The following RGS6 variants were observed in gnomAD, a reference collection of about 807,000 sequenced individuals.
RGS6 encodes the protein regulator of G-protein signaling 6.
A neutral mutation model predicts 78.5 loss-of-function variants in RGS6; 30 were observed. The observed-to-expected ratio is 0.38, with a 90% CI of 0.29 to 0.52. The LOEUF is 0.52. Ranked by LOEUF, RGS6 falls within the 20% of genes least tolerant of loss-of-function variation. The pLI is 0.85. For missense variants in RGS6, 495 were observed against 609.7 expected (o/e 0.81, Z 1.98); for synonymous variants, 206 against 206.0 (o/e 1.00, Z 0.00).
chr14:71,874,903 T>C, the RGS6 span, among the ~76,000 whole-genome samples: 3 of 152,254 alleles, frequency 2.0e-5, no homozygotes, highest in Non-Finnish European at 2.9e-5. Flanking sequence ...GAGATAATCA[T>C]GTGGTTTTTG....
At chr14:71,959,716 C>T (rs557899027) in intron 1 of RGS6, among the ~76,000 whole-genome samples, 1 of 152,118 alleles carries the variant, frequency 6.6e-6, no homozygotes, top group Non-Finnish European at 1.5e-5. Flanking sequence ...GTGGGATTCT[C>T]CATTGAATCT....
chr14:72,308,362 C>T (rs574869793), intron 2 of RGS6, among the ~76,000 whole-genome samples: 1 of 152,162 alleles, frequency 6.6e-6, no homozygotes, highest in Non-Finnish European at 1.5e-5. Context: ...CTTCCAAAGC[C>T]CCCTGTGATC....
chr14:72,100,628 C>T lies in RGS6; in HGVS notation c.84+135753C>T, dbSNP rs535162629. Among the ~76,000 whole-genome samples the T allele has an allele frequency of 4.7e-4, 71 of 152,296 alleles. 2 individuals are homozygous for T. Among genetic ancestry groups the T allele is most frequent in the Admixed American group, 1.3e-3 (20 of 15,304 alleles). ...TTCAGTTGAAGATGTCACAAGATTA[C>T]GACAAGGAGCTCCCAGTGTCTTCAC... is the stretch of plus-strand genomic sequence containing the variant. On this transcript the variant is annotated intron_variant, in intron 2 of 17. Transcript: ENST00000553525.
chr14:72,456,892 A>G (rs879472920), intron 4 of RGS6, among the ~76,000 whole-genome samples: 1 of 151,836 alleles, frequency 6.6e-6, no homozygotes, highest in Non-Finnish European at 1.5e-5. Flanking sequence ...AGCCTGAGCA[A>G]GATGGCAAAA....
chr14:72,279,183 C>T (rs76692297), intron 2 of RGS6, among the ~76,000 whole-genome samples: 1 of 151,930 alleles, frequency 6.6e-6, no homozygotes, highest in East Asian at 1.9e-4. Flanking sequence ...AAAGCTGGAA[C>T]CTACAAGCAG....
chr14:72,174,719 G>A (rs2097081435), intron 2 of RGS6, among the ~76,000 whole-genome samples: 2 of 152,124 alleles, frequency 1.3e-5, no homozygotes, highest in South Asian at 4.1e-4. Context: ...CAGATTGGAA[G>A]GGACTTGGTG....
intron 2 of RGS6, among the ~76,000 whole-genome samples, chr14:72,083,395 A>C (rs1567170208): frequency 2.0e-5 from 3 of 152,138 alleles, no homozygotes; most frequent in African/African-American, 4.8e-5. Flanking sequence ...AGTGCATGGG[A>C]TGCTTCCCAC....
At chr14:72,241,386 A>G (rs1362877671) in intron 2 of RGS6, among the ~76,000 whole-genome samples, 2 of 152,194 alleles carry the variant, frequency 1.3e-5, no homozygotes, top group South Asian at 2.1e-4. Flanking sequence ...TCCAGACAAT[A>G]GTTAATAAAT....
intron 3 of RGS6, among the ~76,000 whole-genome samples, chr14:72,395,683 TC>T (rs2091068533): frequency 6.6e-6 from 1 of 151,678 alleles, no homozygotes; most frequent in African/African-American, 2.4e-5. Flanking sequence ...TCCCTCCCCT[TC>T]CCCCCACCCC....
At chr14:72,303,690 C>G (rs1473237934) in intron 2 of RGS6, among the ~76,000 whole-genome samples, 1 of 152,166 alleles carries the variant, frequency 6.6e-6, no homozygotes, top group Non-Finnish European at 1.5e-5. Flanking sequence ...CATCCTCAAT[C>G]AACTAATTTC....
At position 72,156,871 on chromosome 14, in the gene RGS6, C is replaced by T. The variant is rs529253797; in HGVS notation, c.84+191996C>T. Among the ~76,000 whole-genome samples the T allele has an allele frequency of 1.3e-4, 20 of 152,282 alleles. 1 individual carries two copies. Among genetic ancestry groups the T allele is most frequent in the Non-Finnish European group, 2.2e-4 (15 of 68,034 alleles). On this transcript the variant is annotated intron_variant, in intron 2 of 17. Coordinates refer to ENST00000553525, the MANE Select transcript of RGS6 (RefSeq NM_001204424.2). ...AGCCTGCCTTCTGGTTGGCTTCTCC[C>T]GGCTTAAGTCTGGCCCTGCAGGAAA... is the stretch of plus-strand genomic sequence containing the variant.
intron 2 of RGS6, among the ~76,000 whole-genome samples, chr14:72,114,970 TCA>T (rs2153557425): frequency 6.6e-6 from 1 of 152,304 alleles, no homozygotes; most frequent in African/African-American, 2.4e-5. Context: ...GTGGGAAGAA[TCA>T]CAGAGGCACT....
At chr14:72,072,090 G>A (rs2094428141) in intron 2 of RGS6, among the ~76,000 whole-genome samples, 1 of 152,210 alleles carries the variant, frequency 6.6e-6, no homozygotes, top group Admixed American at 6.5e-5. Context: ...CACATGGCAA[G>A]CATTGTCCCA....
At chr14:72,317,756 C>G (rs201278192) in intron 2 of RGS6, among the ~76,000 whole-genome samples, 1 of 152,104 alleles carries the variant, frequency 6.6e-6, no homozygotes, top group East Asian at 1.9e-4. Context: ...AGAAGCTCTT[C>G]CCAGTTTCCT....
At chr14:71,951,622 A>C (rs1270734008) in intron 1 of RGS6, among the ~76,000 whole-genome samples, 1 of 152,176 alleles carries the variant, frequency 6.6e-6, no homozygotes, top group Non-Finnish European at 1.5e-5. Context: ...TTACTGTATA[A>C]ATTTTAAAGT....
chr14:72,333,473 A>C (rs1318649552), intron 2 of RGS6, among the ~76,000 whole-genome samples: 1 of 152,138 alleles, frequency 6.6e-6, no homozygotes, highest in Non-Finnish European at 1.5e-5. Flanking sequence ...TGCTTTTGCA[A>C]ATGCTCAGAA....
chr14:72,128,160 T>A (rs1220104161), intron 2 of RGS6, among the ~76,000 whole-genome samples: 1 of 152,198 alleles, frequency 6.6e-6, no homozygotes, highest in Non-Finnish European at 1.5e-5. Flanking sequence ...TGTGTCTTAT[T>A]ACAGAATATT....
At chr14:72,149,987 T>C (rs1449589071) in intron 2 of RGS6, among the ~76,000 whole-genome samples, 2 of 152,190 alleles carry the variant, frequency 1.3e-5, no homozygotes, top group Non-Finnish European at 2.9e-5. Flanking sequence ...ACTATTGGGC[T>C]ACCCAAAAGG....
chr14:72,319,438 C>T (rs913089019), intron 2 of RGS6, among the ~76,000 whole-genome samples: 4 of 151,924 alleles, frequency 2.6e-5, no homozygotes, highest in Non-Finnish European at 5.9e-5. Flanking sequence ...CAACCTCCAC[C>T]TCCCGGGTTC....
Sources: allele counts gnomAD v4.1 joint callset (sites outside exome capture counted in the v4.1 genomes callset), GRCh38; gene constraint gnomAD v4.1.1; transcripts MANE v1.5; gene names NCBI Gene and HGNC (gene_info 2026-07-23, HGNC 2026-07-21).